Variants in PRKCA observed in about 807,000 individuals in gnomAD.
PRKCA encodes the protein protein kinase C alpha type.
Under a neutral mutation model 87.0 loss-of-function variants are expected in PRKCA, and 27 were observed. The observed-to-expected ratio is 0.31, with a 90% CI of 0.23 to 0.43. The LOEUF is 0.43. PRKCA is among the 20% of genes least tolerant of loss of function. The probability of loss-of-function intolerance (pLI) is 1.00; values close to 1 mark genes in which losing one functional copy is unlikely to be tolerated. For synonymous variants in PRKCA, 329 were observed against 311.1 expected (o/e 1.06, Z -0.61); for missense variants, 518 against 852.3 (o/e 0.61, Z 4.88).
intron 5 of PRKCA, among the ~76,000 whole-genome samples, chr17:66,672,787 C>G (rs1285930929): frequency 6.6e-6 from 1 of 152,146 alleles, no homozygotes; most frequent in African/African-American, 2.4e-5. Flanking sequence ...GTTTTCAAAG[C>G]ATACTTTGTT....
intron 3 of PRKCA, among the ~76,000 whole-genome samples, chr17:66,626,182 T>C (rs1296630241): frequency 6.6e-6 from 1 of 151,866 alleles, no homozygotes; most frequent in Non-Finnish European, 1.5e-5. Context: ...TTTTTTCTTT[T>C]GTCTTCCTCT....
intron 3 of PRKCA, among the ~76,000 whole-genome samples, chr17:66,508,372 A>T (rs575895322): frequency 6.6e-6 from 1 of 152,378 alleles, no homozygotes; most frequent in East Asian, 1.9e-4. Flanking sequence ...CACGAAGATA[A>T]CACTGCCGTT....
intron 3 of PRKCA, among the ~76,000 whole-genome samples, chr17:66,507,472 A>G (rs1266884903): frequency 6.6e-6 from 1 of 152,210 alleles, no homozygotes; most frequent in Admixed American, 6.5e-5. Flanking sequence ...GTCTGGGGTC[A>G]TTGTGACTAT....
intron 8 of PRKCA, among the ~76,000 whole-genome samples, chr17:66,693,280 C>T (rs974450771): frequency 6.6e-6 from 1 of 152,058 alleles, no homozygotes; most frequent in South Asian, 2.1e-4. Context: ...ACCTTGATTG[C>T]GATACTCATG....
Position 66,804,349 on chromosome 17 carries a change from G to C in PRKCA, c.*312G>C, listed in dbSNP as rs996024873. On this transcript the variant is annotated 3_prime_UTR_variant, in exon 17 of 17. Coordinates refer to ENST00000413366, the MANE Select transcript of PRKCA (RefSeq NM_002737.3). ...TGTTGCCCCATTTTGGGTACAATTT[G>C]ATATACTTTCCATACCCTCCATCTG... The C allele has an allele frequency of 5.4e-5, 13 of 239,472 alleles. No homozygotes were observed. The highest frequency in any genetic ancestry group is 8.1e-5 in the Non-Finnish European group (10 of 123,560). 14.8% of individuals were successfully genotyped at this position (239,472 alleles called of 1,614,324 possible).
intron 2 of PRKCA, among the ~76,000 whole-genome samples, chr17:66,312,928 G>A (rs767553220): frequency 8.6e-5 from 13 of 151,770 alleles, no homozygotes; most frequent in Non-Finnish European, 1.8e-4. Flanking sequence ...TAGTAGAGAC[G>A]GGGTGTCGCC....
At chr17:66,474,012 CT>C (rs1250828536) in intron 2 of PRKCA, among the ~76,000 whole-genome samples, 12 of 152,282 alleles carry the variant, frequency 7.9e-5, no homozygotes, top group African/African-American at 2.6e-4. Flanking sequence ...AACTGTGTGA[CT>C]TTGCAATTTA....
intron 5 of PRKCA, among the ~76,000 whole-genome samples, chr17:66,675,285 C>G (rs1260213765): frequency 6.6e-6 from 1 of 152,156 alleles, no homozygotes; most frequent in Non-Finnish European, 1.5e-5. Context: ...GGGCACTGAT[C>G]CTCTCCATGG....
chr17:66,671,037 C>T (rs1195039568), intron 5 of PRKCA, among the ~76,000 whole-genome samples: 3 of 150,858 alleles, frequency 2.0e-5, no homozygotes. Context: ...TAGCAAAACC[C>T]CATCTCTACT....
At chr17:66,644,405 C>T (rs537684380) in intron 4 of PRKCA, among the ~76,000 whole-genome samples, 1 of 152,288 alleles carries the variant, frequency 6.6e-6, no homozygotes, top group Admixed American at 6.5e-5. Context: ...ATTCCAGTGG[C>T]CTTCCCTCCT....
intron 3 of PRKCA, among the ~76,000 whole-genome samples, chr17:66,562,598 G>A (rs867397207): frequency 8.0e-6 from 1 of 124,978 alleles, no homozygotes; most frequent in South Asian, 3.0e-4. Flanking sequence ...TTTTTTTGTT[G>A]TTGTTGTTGT....
chr17:66,570,808 A>G (rs1414370319), intron 3 of PRKCA, among the ~76,000 whole-genome samples: 1 of 152,160 alleles, frequency 6.6e-6, no homozygotes, highest in African/African-American at 2.4e-5. Flanking sequence ...TGGCAGCATA[A>G]TCTGGTGGGA....
chr17:66,550,346 C>T (rs374260805), intron 3 of PRKCA, among the ~76,000 whole-genome samples: 23 of 152,180 alleles, frequency 1.5e-4, no homozygotes, highest in Admixed American at 3.9e-4. Context: ...GAAAGTTCCA[C>T]GGCAGGTTAA....
intron 3 of PRKCA, among the ~76,000 whole-genome samples, chr17:66,578,148 AACAAAAC>A (rs1969299467): frequency 6.7e-6 from 1 of 150,334 alleles, no homozygotes; most frequent in Admixed American, 6.6e-5. Context: ...AACAAAACAA[AACAAAAC>A]AAAACAGCCC....
intron 2 of PRKCA, among the ~76,000 whole-genome samples, chr17:66,393,934 G>A (rs548147679): frequency 6.6e-6 from 1 of 152,170 alleles, no homozygotes; most frequent in South Asian, 2.1e-4. Flanking sequence ...ATTGGCCCGG[G>A]CATGGTGGCA....
At chr17:66,603,778 T>A (rs1970125173) in intron 3 of PRKCA, among the ~76,000 whole-genome samples, 1 of 152,140 alleles carries the variant, frequency 6.6e-6, no homozygotes, top group Non-Finnish European at 1.5e-5. Context: ...TTCCCTCCCC[T>A]CCAGCCCCTG....
At chr17:66,683,205 A>C (rs1432892485) in intron 5 of PRKCA, among the ~76,000 whole-genome samples, 1 of 152,230 alleles carries the variant, frequency 6.6e-6, no homozygotes, top group Admixed American at 6.5e-5. Context: ...CCTTCCATTT[A>C]TGGCAAACAA....
intron 2 of PRKCA, among the ~76,000 whole-genome samples, chr17:66,429,394 T>G (rs1309716369): frequency 1.3e-5 from 2 of 152,206 alleles, no homozygotes; most frequent in Admixed American, 1.3e-4. Context: ...TTTGATATAT[T>G]TAACGTTTGA....
chr17:66,413,420 A>G (rs1454481258), intron 2 of PRKCA, among the ~76,000 whole-genome samples: 1 of 152,122 alleles, frequency 6.6e-6, no homozygotes, highest in Non-Finnish European at 1.5e-5. Flanking sequence ...TTATGTAGAC[A>G]TGATTGATTA....
Sources: gnomAD v4.1 joint callset for allele counts (sites outside exome capture counted in the v4.1 genomes callset) on GRCh38, gnomAD v4.1.1 for gene constraint, MANE v1.5 for transcripts, NCBI Gene and HGNC (gene_info 2026-07-23, HGNC 2026-07-21) for gene names.